LARGE1: variants seen among roughly 807,000 people sequenced by gnomAD.
LARGE1 encodes the protein xylosyl- and glucuronyltransferase LARGE1.
In LARGE1, 43 loss-of-function variants were observed where a neutral mutation model predicts 87.6. The ratio of observed to expected loss-of-function variants is 0.49; its 90% CI spans 0.38 to 0.63. The LOEUF (loss-of-function observed/expected upper bound fraction) is 0.63, where lower values mean the gene tolerates loss of function less well. Among genes scored for constraint, LARGE1 ranks in the 30% least tolerant of loss-of-function variants. The pLI is 0.00. For missense variants in LARGE1, 802 were observed against 1,000.2 expected (o/e 0.80, Z 2.67); for synonymous variants, 434 against 394.6 (o/e 1.10, Z -1.18).
intron 1 of LARGE1, among the ~76,000 whole-genome samples, chr22:33,775,724 T>C (rs2085213253): frequency 6.6e-6 from 1 of 152,018 alleles, no homozygotes; most frequent in Non-Finnish European, 1.5e-5. Context: ...TGGTGGTGCA[T>C]GCCTGTAATC....
chr22:33,719,377 A>G (rs974733421), intron 2 of LARGE1, among the ~76,000 whole-genome samples: 16 of 152,290 alleles, frequency 1.1e-4, no homozygotes, highest in Non-Finnish European at 1.9e-4. Context: ...AGTACACAGT[A>G]ATGCCCTAGC....
At chr22:33,167,018 A>G (rs1313526946) in intron 11 of LARGE1, among the ~76,000 whole-genome samples, 2 of 152,228 alleles carry the variant, frequency 1.3e-5, no homozygotes, top group Non-Finnish European at 2.9e-5. Context: ...TAACATTAAG[A>G]GTAACCCAAT....
At chr22:33,523,801 G>T (rs997558806) in intron 6 of LARGE1, among the ~76,000 whole-genome samples, 2 of 152,042 alleles carry the variant, frequency 1.3e-5, no homozygotes, top group African/African-American at 4.8e-5. Context: ...GAGGTTCTGT[G>T]TATCCATCAC....
At chr22:33,573,302 G>A (rs1211308766) in intron 5 of LARGE1, among the ~76,000 whole-genome samples, 1 of 152,080 alleles carries the variant, frequency 6.6e-6, no homozygotes, top group East Asian at 1.9e-4. Context: ...AGCCGGGCGT[G>A]GTGGTGTGCG....
intron 3 of LARGE1, among the ~76,000 whole-genome samples, chr22:33,627,183 C>T (rs1295731824): frequency 2.0e-5 from 3 of 152,226 alleles, no homozygotes; most frequent in Non-Finnish European, 4.4e-5. Context: ...CTCTAAGCTA[C>T]TGGGCGGGGC....
chr22:33,566,975 C>A (rs1158019511), intron 5 of LARGE1, among the ~76,000 whole-genome samples: 1 of 152,182 alleles, frequency 6.6e-6, no homozygotes, highest in Admixed American at 6.5e-5. Context: ...GTATGAGTCC[C>A]TGTCACCCTA....
At chr22:33,853,881 T>G (rs2063680365) in intron 1 of LARGE1, among the ~76,000 whole-genome samples, 1 of 152,178 alleles carries the variant, frequency 6.6e-6, no homozygotes. Context: ...TTCTCAATAC[T>G]CTAGGGATCC....
the LARGE1 span, among the ~76,000 whole-genome samples, chr22:33,115,498 A>G: frequency 6.6e-6 from 1 of 151,384 alleles, no homozygotes; most frequent in Non-Finnish European, 1.5e-5. Context: ...GAGAGGCCCT[A>G]ATTCAATATG....
At chr22:33,093,629 C>T in the LARGE1 span, among the ~76,000 whole-genome samples, 1 of 152,032 alleles carries the variant, frequency 6.6e-6, no homozygotes, top group South Asian at 2.1e-4. Context: ...CCTCAGTCTT[C>T]TTTCCTGCCA....
In LARGE1 at chr22:33,879,777, T is replaced by A. The variant is rs1364626038; in HGVS notation, c.-83+40218A>T. 5.3e-5 allele frequency among the ~76,000 whole-genome samples: 8 copies of A among 152,342 alleles called. No individual in the cohort carries two copies. In the East Asian group the frequency reaches 1.3e-3, roughly 26 times the overall value. On this transcript the variant is annotated intron_variant, in intron 1 of 14. Transcript: ENST00000397394. ...ATGTGTTGCTTATATGTCTGTTACC[T>A]CCAAAACAGCATCAGCCTCTCTTCA...
intron 11 of LARGE1, among the ~76,000 whole-genome samples, chr22:33,199,375 A>G (rs189856406): frequency 6.6e-6 from 1 of 152,006 alleles, no homozygotes; most frequent in Non-Finnish European, 1.5e-5. Context: ...AGTCCCATTT[A>G]TCTACTTTAG....
chr22:33,298,357 C>CA (rs1297233016), intron 12 of LARGE1, among the ~76,000 whole-genome samples: 1 of 152,256 alleles, frequency 6.6e-6, no homozygotes, highest in Non-Finnish European at 1.5e-5. Flanking sequence ...AGGCATGGAA[C>CA]AAAGAATGTT....
At chr22:33,476,146 C>T (rs1475285615) in intron 6 of LARGE1, among the ~76,000 whole-genome samples, 1 of 152,242 alleles carries the variant, frequency 6.6e-6, no homozygotes, top group Non-Finnish European at 1.5e-5. Context: ...CTTCACCTGG[C>T]AATGTAAATT....
chr22:33,279,457 T>C (rs1930012022), intron 13 of LARGE1, among the ~76,000 whole-genome samples: 1 of 152,162 alleles, frequency 6.6e-6, no homozygotes, highest in African/African-American at 2.4e-5. Flanking sequence ...ATGCAACTGC[T>C]TCCTTCTTTT....
intron 11 of LARGE1, among the ~76,000 whole-genome samples, chr22:33,195,509 C>T (rs533582973): frequency 6.6e-6 from 1 of 151,890 alleles, no homozygotes; most frequent in East Asian, 1.9e-4. Flanking sequence ...TTAAATTAGA[C>T]ACAAGTAACA....
intron 1 of LARGE1, among the ~76,000 whole-genome samples, chr22:33,846,941 T>C (rs2063451317): frequency 6.6e-6 from 1 of 152,214 alleles, no homozygotes; most frequent in Non-Finnish European, 1.5e-5. Flanking sequence ...GTGATCTCGT[T>C]CTGCCTCCAC....
chr22:33,873,870 T>TCCC (rs1420654925), intron 1 of LARGE1, among the ~76,000 whole-genome samples: 5 of 151,416 alleles, frequency 3.3e-5, no homozygotes, highest in Non-Finnish European at 5.9e-5. Flanking sequence ...TGGTTTCACC[T>TCCC]TCCTCCACCT....
intron 12 of LARGE1, among the ~76,000 whole-genome samples, chr22:33,288,187 T>G (rs1602251790): frequency 6.6e-6 from 1 of 152,318 alleles, no homozygotes; most frequent in East Asian, 1.9e-4. Context: ...TAAACTGCAA[T>G]TACTTTTGCA....
the LARGE1 span, among the ~76,000 whole-genome samples, chr22:33,079,395 T>G: frequency 6.6e-6 from 1 of 151,642 alleles, no homozygotes; most frequent in Non-Finnish European, 1.5e-5. Flanking sequence ...GCCCGGATAA[T>G]TTTTTGTATT....
Sources: gnomAD v4.1 joint callset for allele counts (sites outside exome capture counted in the v4.1 genomes callset) on GRCh38, gnomAD v4.1.1 for gene constraint, MANE v1.5 for transcripts, NCBI Gene and HGNC (gene_info 2026-07-23, HGNC 2026-07-21) for gene names.